C10orf67: variants seen among roughly 807,000 people sequenced by gnomAD.
C10orf67 encodes the protein chromosome 10 open reading frame 67.
In C10orf67, 60 loss-of-function variants were observed where a neutral mutation model predicts 35.6. The observed-to-expected ratio is 1.68, with a 90% CI of 1.37 to 2.09. The LOEUF is 2.09. Ranked by LOEUF, C10orf67 falls within the 30% of genes most tolerant of loss-of-function variation. The pLI, the probability that C10orf67 is intolerant of heterozygous loss-of-function variation, is 0.00. For synonymous variants in C10orf67, 167 were observed against 115.8 expected (o/e 1.44, Z -2.84); for missense variants, 474 against 330.2 (o/e 1.44, Z -3.38).
rs748593619 is a variant in C10orf67, at chr10:23,333,199, T to C, written c.207-17A>G. ...ATGTTAAGTCTGAAAACAAAGGAAATGAAATGTGCTTTAAGTCATAGATAT... is the reference window on the plus strand; with the variant it reads ...ATGTTAAGTCTGAAAACAAAGGAAACGAAATGTGCTTTAAGTCATAGATAT... On this transcript the variant is annotated splice_polypyrimidine_tract_variant and intron_variant, in intron 1 of 15. Coordinates refer to ENST00000636213, the MANE Select transcript of C10orf67 (RefSeq NM_001371909.1). 6.3e-7 allele frequency: 1 copy of C among 1,585,950 alleles called. No individual in the cohort carries two copies.
At chr10:23,309,807 TG>T (rs1324742028) in intron 4 of C10orf67, among the ~76,000 whole-genome samples, 1 of 152,182 alleles carries the variant, frequency 6.6e-6, no homozygotes, top group African/African-American at 2.4e-5. Flanking sequence ...CACAATTCTT[TG>T]GAAGAACAAA....
intron 3 of C10orf67, among the ~76,000 whole-genome samples, chr10:23,321,536 G>A (rs1588692811): frequency 6.6e-6 from 1 of 152,206 alleles, no homozygotes; most frequent in African/African-American, 2.4e-5. Flanking sequence ...AGAGTCAGAT[G>A]GTATTGAATT....
At chr10:23,332,160 C>T (rs1032264414) in intron 2 of C10orf67, among the ~76,000 whole-genome samples, 10 of 152,074 alleles carry the variant, frequency 6.6e-5, no homozygotes, top group African/African-American at 2.4e-4. Context: ...AAATGTCCAT[C>T]AATATGGAAA....
Position 23,322,497 on chromosome 10 carries a change from T to G in C10orf67, c.368A>C (p.Gln123Pro), listed in dbSNP as rs1186246352. Residue 123 changes from glutamine to proline, a missense_variant, in exon 3 of 16, where the codon CAA (glutamine) becomes CCA (proline). Transcript: ENST00000636213. ...GTCCTCAAACTTCAACTGAAGCAAT[T>G]GTTTGAGGAACCCAAAATCTACCTG... ...SLQVDFGFLK[Q>P]LLQLKFEDRL... 6.2e-7 allele frequency: 1 copy of G among 1,612,596 alleles called. No individual in the cohort carries two copies. Among genetic ancestry groups the G allele is most frequent in the Admixed American group, 1.7e-5 (1 of 59,974 alleles).
At chr10:23,315,954 G>A (rs1287892007) in intron 4 of C10orf67, among the ~76,000 whole-genome samples, 1 of 152,142 alleles carries the variant, frequency 6.6e-6, no homozygotes, top group Non-Finnish European at 1.5e-5. Flanking sequence ...CAGTAGGTAG[G>A]ACTACAAGCA....
rs377018283 is a variant in C10orf67, at chr10:23,247,260, G to A, written c.1346+3195C>T. 1.8e-4 allele frequency among the ~76,000 whole-genome samples: 28 copies of A among 152,074 alleles called. No individual in the cohort carries two copies. The South Asian group carries it at 4.4e-3, about 24-fold the overall frequency. ...CCTAGAGCAACTTCCACTCCTCCAT[G>A]CTCCATTCATGGTAAGTGCCTTATA... On this transcript the variant is annotated intron_variant, in intron 12 of 15. Transcript: ENST00000636213.
intron 12 of C10orf67, among the ~76,000 whole-genome samples, chr10:23,247,441 T>C (rs112002725): frequency 0.2 from 30,030 of 152,176 alleles, 3,749 homozygotes; most frequent in Non-Finnish European, 0.28. Context: ...CTAGGAGCAA[T>C]AGGCTATACC....
intron 15 of C10orf67, among the ~76,000 whole-genome samples, chr10:23,204,603 G>T (rs1360616032): frequency 6.6e-6 from 1 of 152,214 alleles, no homozygotes; most frequent in Non-Finnish European, 1.5e-5. Context: ...AATAAAAAAA[G>T]TGGGAAGAGT....
intron 4 of C10orf67, among the ~76,000 whole-genome samples, chr10:23,312,902 C>T (rs777598539): frequency 3.3e-5 from 5 of 152,152 alleles, no homozygotes; most frequent in Non-Finnish European, 7.4e-5. Context: ...AGAAATTCTC[C>T]TAGAGGACTG....
intron 13 of C10orf67, among the ~76,000 whole-genome samples, chr10:23,234,590 C>T (rs1841994592): frequency 6.6e-6 from 1 of 151,986 alleles, no homozygotes; most frequent in African/African-American, 2.4e-5. Flanking sequence ...GACTTAACAC[C>T]TGGCTGAAGA....
At chr10:23,325,431 T>C (rs1269585570) in intron 2 of C10orf67, among the ~76,000 whole-genome samples, 1 of 140,140 alleles carries the variant, frequency 7.1e-6, no homozygotes, top group African/African-American at 2.7e-5. Context: ...AGACTGCAAA[T>C]AGCCCAGCTA....
intron 10 of C10orf67, among the ~76,000 whole-genome samples, chr10:23,254,331 C>T (rs973596892): frequency 6.6e-6 from 1 of 152,120 alleles, no homozygotes; most frequent in African/African-American, 2.4e-5. Flanking sequence ...CCTCAACTTC[C>T]CGAGTAGCTG....
chr10:23,307,608 G>GTTT (rs56738859), intron 4 of C10orf67, among the ~76,000 whole-genome samples: 9,301 of 135,638 alleles, frequency 0.069, 663 homozygotes, highest in African/African-American at 0.18. Context: ...TTTTTATTTA[G>GTTT]TTTTTTTTTT....
At chr10:23,328,993 C>CAAAAAAAAAAAAAAAAAAAAAAAAA (rs57772405) in intron 2 of C10orf67, among the ~76,000 whole-genome samples, 34 of 78,704 alleles carry the variant, frequency 4.3e-4, no homozygotes, top group African/African-American at 5.3e-4. Context: ...CATAAACGAA[C>CAAAAAAAAAAAAAAAAAAAAAAAAA]AAAAAAAAAA....
chr10:23,228,518 C>T (rs1215672743), intron 13 of C10orf67, among the ~76,000 whole-genome samples: 1 of 152,140 alleles, frequency 6.6e-6, no homozygotes, highest in Admixed American at 6.5e-5. Flanking sequence ...CCATTCAGGA[C>T]ATAGGCATGG....
chr10:23,236,397 A>C (rs1355992457), intron 13 of C10orf67, among the ~76,000 whole-genome samples: 2 of 151,630 alleles, frequency 1.3e-5, no homozygotes, highest in African/African-American at 4.9e-5. Context: ...GTGCCACTGC[A>C]CTCCAGCCTG....
chr10:23,243,828 A>T (rs367788747), intron 12 of C10orf67, among the ~76,000 whole-genome samples: 7 of 152,206 alleles, frequency 4.6e-5, no homozygotes, highest in African/African-American at 1.4e-4. Context: ...TACTCTGAGC[A>T]CAAGAGAATT....
chr10:23,269,555 C>T (rs1177564014), intron 8 of C10orf67, among the ~76,000 whole-genome samples: 1 of 152,036 alleles, frequency 6.6e-6, no homozygotes, highest in Non-Finnish European at 1.5e-5. Context: ...TTAATAGTAA[C>T]AGTGAATGAT....
intron 4 of C10orf67, among the ~76,000 whole-genome samples, chr10:23,311,588 G>A (rs1375171814): frequency 6.6e-6 from 1 of 152,124 alleles, no homozygotes; most frequent in Non-Finnish European, 1.5e-5. Context: ...TCACATGCCT[G>A]TAATCCCAGC....
Sources: allele counts gnomAD v4.1 joint callset (sites outside exome capture counted in the v4.1 genomes callset), GRCh38; gene constraint gnomAD v4.1.1; transcripts MANE v1.5; gene names NCBI Gene and HGNC (gene_info 2026-07-23, HGNC 2026-07-21).